The following CDH4 variants were observed in gnomAD, a reference collection of about 807,000 sequenced individuals.
CDH4 encodes the protein cadherin 4.
In CDH4, 33 loss-of-function variants were observed where a neutral mutation model predicts 86.0. That is an observed-to-expected ratio of 0.38 (90% CI 0.29 to 0.51). The LOEUF is 0.51. Among genes scored for constraint, CDH4 ranks in the 20% least tolerant of loss-of-function variants. CDH4 has a pLI of 0.86. For synonymous variants in CDH4, 555 were observed against 549.4 expected (o/e 1.01, Z -0.14); for missense variants, 1,114 against 1,307.4 (o/e 0.85, Z 2.28).
intron 2 of CDH4, among the ~76,000 whole-genome samples, chr20:61,286,945 T>C (rs2084296357): frequency 6.6e-6 from 1 of 152,224 alleles, no homozygotes; most frequent in African/African-American, 2.4e-5. Flanking sequence ...TTAAACATAC[T>C]GGATGTCACC....
At chr20:61,619,466 A>G (rs1360734436) in intron 2 of CDH4, among the ~76,000 whole-genome samples, 1 of 152,198 alleles carries the variant, frequency 6.6e-6, no homozygotes, top group Non-Finnish European at 1.5e-5. Flanking sequence ...CCTAAAAGCA[A>G]AATGATGATT....
intron 2 of CDH4, among the ~76,000 whole-genome samples, chr20:61,490,594 G>A (rs1173665370): frequency 6.6e-6 from 1 of 152,158 alleles, no homozygotes; most frequent in East Asian, 1.9e-4. Flanking sequence ...AGCTACTCGG[G>A]AGGCTGAGGC....
At chr20:61,714,652 AT>A (rs1416644764) in intron 2 of CDH4, among the ~76,000 whole-genome samples, 21 of 152,216 alleles carry the variant, frequency 1.4e-4, no homozygotes, top group African/African-American at 4.3e-4. Context: ...AAGTGAGGAC[AT>A]GGAATATTTG....
Position 61,873,909 on chromosome 20 carries a change from G to A in CDH4, c.1050+9G>A, listed in dbSNP as rs1390342105. 3 of 1,612,198 alleles carry A rather than the reference G, an allele frequency of 1.9e-6. No homozygotes were observed. Among genetic ancestry groups the A allele is most frequent in the Admixed American group, 1.7e-5 (1 of 59,954 alleles). On this transcript the variant is annotated intron_variant, in intron 7 of 15. Transcript: ENST00000614565. ...CTGGCCTGGACCGAGAGGTGAGGCG[G>A]GGTGGGGTCTGCGTGCAGGCGGGTG...
chr20:61,587,966 G>A (rs373139710), intron 2 of CDH4, among the ~76,000 whole-genome samples: 9 of 152,244 alleles, frequency 5.9e-5, no homozygotes, highest in South Asian at 2.1e-4. Flanking sequence ...TTACTTTCCT[G>A]TGTGGCTAAA....
At chr20:61,619,592 G>A (rs910110997) in intron 2 of CDH4, among the ~76,000 whole-genome samples, 2 of 152,304 alleles carry the variant, frequency 1.3e-5, no homozygotes, top group African/African-American at 2.4e-5. Context: ...AGGACAGAGC[G>A]ATGTCTGCTC....
At position 61,934,122 on chromosome 20, in the gene CDH4, G is replaced by A. The variant is rs766038133; in HGVS notation, c.2446G>A (p.Val816Met). ...GCACGTGCCAAGCAAAGCCCCTGGC[G>A]TGCGTCGCGTGGATGAGCGGCCGGT... is the stretch of plus-strand genomic sequence containing the variant. Reference protein sequence around the residue: ...MGHVPSKAPGVRRVDERPVGA... With the variant: ...MGHVPSKAPGMRRVDERPVGA... The change falls in exon 15 of 16, where the codon GTG becomes ATG. Residue 816 changes from valine (V) to methionine (M), a missense_variant. Around this residue, in one of 3 missense-constraint regions of CDH4, gnomAD observed 188 missense variants for 183.8 expected, o/e 1.02. Coordinates refer to ENST00000614565, the MANE Select transcript of CDH4 (RefSeq NM_001794.5). 109 of 1,611,192 alleles carry A rather than the reference G, an allele frequency of 6.8e-5. No homozygotes were observed. In the East Asian group the frequency reaches 7.4e-4, roughly 11 times the overall value.
chr20:61,918,784 C>T lies in CDH4; in HGVS notation c.1375-4667C>T, dbSNP rs138066214. On this transcript the variant is annotated intron_variant, in intron 9 of 15. Coordinates refer to ENST00000614565, the MANE Select transcript of CDH4 (RefSeq NM_001794.5). ...AGGACCAGAACTGTGATCTCTGCCACTCCCTGCAGACCCTCCTGGAGGCAG... is the reference window on the plus strand; with the variant it reads ...AGGACCAGAACTGTGATCTCTGCCATTCCCTGCAGACCCTCCTGGAGGCAG... Among the ~76,000 whole-genome samples, 462 of 152,332 alleles carry T rather than the reference C, an allele frequency of 3.0e-3. 7 individuals are homozygous for T. The highest frequency in any genetic ancestry group is 0.011 in the African/African-American group (439 of 41,582).
chr20:61,758,936 G>GGTGTACACATGTATATGA, intron 3 of CDH4, among the ~76,000 whole-genome samples: 1 of 152,254 alleles, frequency 6.6e-6, no homozygotes, highest in East Asian at 1.9e-4. Flanking sequence ...TGTGTGCATG[G>GGTGTACACATGTATATGA]GTGTACACAT....
chr20:61,496,175 G>A (rs2085660934), intron 2 of CDH4, among the ~76,000 whole-genome samples: 1 of 152,058 alleles, frequency 6.6e-6, no homozygotes, highest in African/African-American at 2.4e-5. Context: ...TGAGGCAGAA[G>A]GATCACTTAA....
At chr20:61,522,941 G>C (rs1436120662) in intron 2 of CDH4, among the ~76,000 whole-genome samples, 1 of 152,210 alleles carries the variant, frequency 6.6e-6, no homozygotes, top group Non-Finnish European at 1.5e-5. Flanking sequence ...CTGCCGACAC[G>C]CAGGTGCATC....
At chr20:61,550,655 A>G (rs2086122826) in intron 2 of CDH4, among the ~76,000 whole-genome samples, 2 of 151,484 alleles carry the variant, frequency 1.3e-5, no homozygotes, top group Non-Finnish European at 2.9e-5. Flanking sequence ...TTCCTCCCAC[A>G]CCCACCCAAG....
At position 61,810,921 on chromosome 20, in the gene CDH4, C is replaced by A. The variant is rs1980401263; in HGVS notation, c.577-33747C>A. 6.6e-6 allele frequency among the ~76,000 whole-genome samples: 1 copy of A among 152,170 alleles called. No homozygotes were observed. Among genetic ancestry groups the A allele is most frequent in the Non-Finnish European group, 1.5e-5 (1 of 68,032 alleles). ...GCTCCAGGAAGCTTCGAGACGGGGG[C>A]TGCAGGAGCCTGCAGAGCCTGCGTT... On this transcript the variant is annotated intron_variant, in intron 4 of 15. Coordinates refer to ENST00000614565, the MANE Select transcript of CDH4 (RefSeq NM_001794.5). The surrounding 1 kb of genome is among the most constrained non-coding windows in gnomAD (Gnocchi z 4.3).
chr20:61,654,898 GCT>G (rs2087170351), intron 2 of CDH4, among the ~76,000 whole-genome samples: 1 of 62,136 alleles, frequency 1.6e-5, no homozygotes, highest in Non-Finnish European at 5.1e-5. Flanking sequence ...ACCCAGCCCC[GCT>G]CTGGACAGGG....
chr20:61,489,894 GA>G (rs1386573235), intron 2 of CDH4, among the ~76,000 whole-genome samples: 1 of 152,174 alleles, frequency 6.6e-6, no homozygotes, highest in African/African-American at 2.4e-5. Flanking sequence ...GGATGCTTCT[GA>G]AACATACAGC....
chr20:61,893,182 G>A (rs1321207729), intron 7 of CDH4, among the ~76,000 whole-genome samples: 4 of 49,834 alleles, frequency 8.0e-5, no homozygotes, highest in South Asian at 8.1e-4. Flanking sequence ...TGGGTGGGTG[G>A]GTGGATAAAT....
chr20:61,887,035 C>T (rs1195074263), intron 7 of CDH4, among the ~76,000 whole-genome samples: 3 of 152,216 alleles, frequency 2.0e-5, no homozygotes, highest in African/African-American at 4.8e-5. Context: ...AGATCAGCCA[C>T]GTCTGCAAGG....
At chr20:61,844,883 G>T in intron 5 of CDH4, 60 bp downstream of exon 5, 2 of 1,530,006 alleles carry the variant, frequency 1.3e-6, no homozygotes, top group East Asian at 2.3e-5. Flanking sequence ...GCCCTACCAG[G>T]CCTTGGCAGG....
At chr20:61,625,609 A>AG (rs562246438) in intron 2 of CDH4, among the ~76,000 whole-genome samples, 96 of 152,334 alleles carry the variant, frequency 6.3e-4, no homozygotes, top group African/African-American at 2.2e-3. Context: ...GATTTTCAAG[A>AG]GGAAAAAACA....
Sources: allele counts gnomAD v4.1 joint callset (sites outside exome capture counted in the v4.1 genomes callset), GRCh38; gene constraint gnomAD v4.1.1; regional missense constraint gnomAD v4.1.1; non-coding constraint Gnocchi (gnomAD v3.1); transcripts MANE v1.5; gene names NCBI Gene and HGNC (gene_info 2026-07-23, HGNC 2026-07-21).